GLT8D1: variants seen among roughly 807,000 people sequenced by gnomAD.
GLT8D1 encodes glycosyltransferase 8 domain containing 1.
Under a neutral mutation model 46.2 loss-of-function variants are expected in GLT8D1, and 41 were observed. That is an observed-to-expected ratio of 0.89 (90% CI 0.69 to 1.15). The LOEUF is 1.15. GLT8D1 is among the 50% of genes most tolerant of loss of function. GLT8D1 has a pLI of 0.00. For missense variants in GLT8D1, 408 were observed against 449.3 expected (o/e 0.91, Z 0.83); for synonymous variants, 150 against 154.2 (o/e 0.97, Z 0.20).
At position 52,697,886 on chromosome 3, in the gene GLT8D1, A is replaced by G; in HGVS notation, c.164T>C (p.Leu55Pro). 2 of 1,613,926 alleles carry G rather than the reference A, an allele frequency of 1.2e-6. No individual in the cohort carries two copies. The highest frequency in any genetic ancestry group is 1.7e-6 in the Non-Finnish European group (2 of 1,179,784). The change falls in exon 4 of 10, where the codon CTC becomes CCC. Residue 55 changes from leucine (L) to proline (P), a missense_variant. By Grantham distance (98) the Leu-to-Pro change is moderately conservative (BLOSUM62 -3). Transcript: ENST00000266014. The part of the protein sequence containing the change: ...PQPIDFVPNA[L>P]RHAVDGRQEE... ...TTGTCTCCCATCTACTGCATGTCGG[A>G]GAGCATTTGGGACAAAGTCTATAGG...
In GLT8D1 at chr3:52,705,773, C is replaced by G; in HGVS notation, c.-363G>C. 1 of 1,180,848 alleles carries G rather than the reference C, an allele frequency of 8.5e-7. No homozygotes were observed. Among genetic ancestry groups the G allele is most frequent in the South Asian group, 2.4e-5 (1 of 41,892 alleles). 73.1% of individuals were successfully genotyped at this position (1,180,848 alleles called of 1,614,324 possible). On this transcript the variant is annotated 5_prime_UTR_variant, in exon 1 of 10. Coordinates refer to ENST00000266014, the MANE Select transcript of GLT8D1 (RefSeq NM_018446.4). ...CCCGCAGCGGTAACCGCTAGAGCGT[C>G]GCGCCAAGCAGGCGCCGCGGGGCAG... is the stretch of plus-strand genomic sequence containing the variant.
rs745763847 is a variant in GLT8D1 at position 52,697,890 on chromosome 3, C to G, written c.160G>C (p.Ala54Pro). 1 of 1,613,626 alleles carries G rather than the reference C, an allele frequency of 6.2e-7. No homozygotes were observed. The highest frequency in any genetic ancestry group is 8.5e-7 in the Non-Finnish European group (1 of 1,179,560). ...CTCCCATCTACTGCATGTCGGAGAG[C>G]ATTTGGGACAAAGTCTATAGGTTGA... Reference protein sequence around the residue: ...GPQPIDFVPNALRHAVDGRQE... With the variant: ...GPQPIDFVPNPLRHAVDGRQE... Residue 54 changes from alanine (A) to proline (P), a missense_variant, in exon 4 of 10, where the codon GCT (alanine) becomes CCT (proline). Physicochemically the swap from Ala to Pro is conservative, Grantham distance 27. Coordinates refer to ENST00000266014, the MANE Select transcript of GLT8D1 (RefSeq NM_018446.4).
intron 3 of GLT8D1, among the ~76,000 whole-genome samples, chr3:52,699,358 C>T (rs758860003): frequency 1.3e-5 from 2 of 151,950 alleles, no homozygotes; most frequent in Admixed American, 6.6e-5. Flanking sequence ...GATCTTGGCT[C>T]ACTGCAACCT....
At chr3:52,697,532 C>T (rs2097334991) in intron 4 of GLT8D1, 189 bp downstream of exon 4, 1 of 586,068 alleles carries the variant, frequency 1.7e-6, no homozygotes. Context: ...CTCCTTGTAT[C>T]ACTTCTCCTA....
rs376655141 is a variant in GLT8D1, at chr3:52,700,384, T to C, written c.17-24A>G. 283 of 1,594,682 alleles carry C rather than the reference T, an allele frequency of 1.8e-4. 1 individual carries two copies. The highest frequency in any genetic ancestry group is 2.2e-4 in the Non-Finnish European group (252 of 1,163,108). ...TACTGAAATAGATAGGGAAAACCTA[T>C]GTTATACCTCTTTATCTTTGACCAG... On this transcript the variant is annotated intron_variant, in intron 2 of 9. Coordinates refer to ENST00000266014, the MANE Select transcript of GLT8D1 (RefSeq NM_018446.4).
chr3:52,701,941 A>T (rs2097339740), intron 1 of GLT8D1, among the ~76,000 whole-genome samples: 1 of 152,222 alleles, frequency 6.6e-6, no homozygotes, highest in South Asian at 2.1e-4. Flanking sequence ...ACCCTTTCTT[A>T]CTTCATCTTC....
rs778834885 is a variant in GLT8D1 at position 52,700,450 on chromosome 3, C to T, written c.11G>A (p.Arg4His). 35 of 1,593,050 alleles carry T rather than the reference C, an allele frequency of 2.2e-5. No homozygotes were observed. Among genetic ancestry groups the T allele is most frequent in the Middle Eastern group, 1.7e-4 (1 of 6,034 alleles). MSF[R>H]KVNIIILVLA... ...AACTTGTAGAAAGAGCATACCTTTA[C>T]GGAATGACATCTTTTTCTTCTGTCA... Residue 4 changes from arginine to histidine, a missense_variant, in exon 2 of 10, where the codon CGT (arginine) becomes CAT (histidine). By Grantham distance (29) the Arg-to-His change is conservative (BLOSUM62 0). Transcript: ENST00000266014.
At chr3:52,698,673 C>T (rs1257559353) in intron 3 of GLT8D1, among the ~76,000 whole-genome samples, 1 of 150,330 alleles carries the variant, frequency 6.7e-6, no homozygotes, top group Admixed American at 6.6e-5. Context: ...AATAGGAAAA[C>T]TCCATCTCAA....
At chr3:52,700,159 C>T in intron 3 of GLT8D1, 103 bp downstream of exon 3, 1 of 717,694 alleles carries the variant, frequency 1.4e-6, no homozygotes, top group East Asian at 2.5e-5. Context: ...CCTTAACAAA[C>T]AACTGCTAGT....
At chr3:52,696,113 A>C (rs771996544) in intron 6 of GLT8D1, 73 bp from the exon 7 acceptor site, 2 of 1,166,006 alleles carry the variant, frequency 1.7e-6, no homozygotes, top group Non-Finnish European at 2.6e-6. Flanking sequence ...ACTTCTCCCT[A>C]TGGTGACCTT....
Position 52,695,908 on chromosome 3 carries a change from G to GTGTT in GLT8D1, c.645+16_645+19dup, listed in dbSNP as rs764726100. 8 of 1,329,792 alleles carry GTGTT rather than the reference G, an allele frequency of 6.0e-6. No individual in the cohort carries two copies. Among genetic ancestry groups the GTGTT allele is most frequent in the South Asian group, 5.9e-5 (5 of 85,184 alleles). The allele number at this position is 1,329,792 out of a possible 1,614,324, so 82.4% of individuals were successfully genotyped here. On this transcript the variant is annotated intron_variant, in intron 7 of 9. Transcript: ENST00000266014. Reference sequence around the variant, plus strand: ...ATTAAACAATATTGTAGGAAGAGGGGTGTTTGGTAAGCAATTTACCTGGTT... The same window carrying GTGTT: ...ATTAAACAATATTGTAGGAAGAGGGGTGTTTGTTTGGTAAGCAATTTACCTGGTT...
Position 52,694,644 on chromosome 3 carries a change from CAG to C in GLT8D1, c.*199_*200del. ...TGTAGTAAGAAAACACTTGGTAAGG[CAG>C]ATGGAGACATATTTATAGTCTATAG... On this transcript the variant is annotated 3_prime_UTR_variant, in exon 10 of 10. Transcript: ENST00000266014. The C allele has an allele frequency of 1.6e-6, 1 of 619,330 alleles. No homozygotes were observed. The highest frequency in any genetic ancestry group is 1.9e-5 in the South Asian group (1 of 52,036). 38.4% of individuals were successfully genotyped at this position (619,330 alleles called of 1,614,324 possible).
In GLT8D1 at chr3:52,694,902, G is replaced by A. The variant is rs898854712; in HGVS notation, c.1059C>T (p.Asp353=). 1 of 1,611,588 alleles carries A rather than the reference G, an allele frequency of 6.2e-7. No homozygotes were observed. Among genetic ancestry groups the A allele is most frequent in the Admixed American group, 1.7e-5 (1 of 60,018 alleles). The change falls in exon 10 of 10, where the codon GAC becomes GAT. Residue 353 remains aspartate (D), a synonymous_variant. Coordinates refer to ENST00000266014, the MANE Select transcript of GLT8D1 (RefSeq NM_018446.4). The part of the protein sequence containing the change: ...TDVWEKWYIP[D]PTGKFNLIRR... ...GGATTAGGTTGAATTTGCCTGTTGGGTCTGGAATATACCATTTTTCCCAAA... is the reference window on the plus strand; with the variant it reads ...GGATTAGGTTGAATTTGCCTGTTGGATCTGGAATATACCATTTTTCCCAAA...
rs1393018080 is a variant in GLT8D1 at position 52,697,711 on chromosome 3, CAGAGCTCACCGG to C, written c.327_329+9del. 1 of 1,571,448 alleles carries C rather than the reference CAGAGCTCACCGG, an allele frequency of 6.4e-7. No homozygotes were observed. Among genetic ancestry groups the C allele is most frequent in the Non-Finnish European group, 8.8e-7 (1 of 1,141,170 alleles). On this transcript the variant is annotated splice_donor_variant and splice_donor_5th_base_variant and coding_sequence_variant and intron_variant, in exon 4 of 10. Coordinates refer to ENST00000266014, the MANE Select transcript of GLT8D1 (RefSeq NM_018446.4). LOFTEE classifies it high-confidence loss of function. ...TCCTCTAGAAGCAGAATCACATAAG[CAGAGCTCACCGG>C]AGATGGTCTGCTGTATTGTTGAGAG...
In GLT8D1 at chr3:52,700,579, T is replaced by TA. The variant is rs1379180423; in HGVS notation, c.-36-84dup. ...TGCCCTAACACTTTTTTTTTTTTTT[T>TA]AATTCAGGAAGAAACAAGAGGCATA... On this transcript the variant is annotated intron_variant, in intron 1 of 9. Transcript: ENST00000266014. 2.0e-5 allele frequency: 12 copies of TA among 598,762 alleles called. No homozygotes were observed. In the East Asian group the frequency reaches 2.4e-4, roughly 12 times the overall value. The allele number at this position is 598,762 out of a possible 1,614,324, so 37.1% of individuals were successfully genotyped here.
At chr3:52,702,201 A>AT (rs372328864) in intron 1 of GLT8D1, among the ~76,000 whole-genome samples, 10 of 152,232 alleles carry the variant, frequency 6.6e-5, no homozygotes, top group African/African-American at 2.4e-4. Flanking sequence ...CAGGCACTTA[A>AT]TTTCTCAAGG....
At chr3:52,702,765 A>G (rs945356155) in intron 1 of GLT8D1, among the ~76,000 whole-genome samples, 1 of 151,750 alleles carries the variant, frequency 6.6e-6, no homozygotes, top group Non-Finnish European at 1.5e-5. Context: ...AATTAGGGGG[A>G]AAATACACAT....
Position 52,705,773 on chromosome 3 carries a change from C to T in GLT8D1, c.-363G>A. 8.5e-7 allele frequency: 1 copy of T among 1,180,846 alleles called. No individual in the cohort carries two copies. The highest frequency in any genetic ancestry group is 1.1e-6 in the Non-Finnish European group (1 of 922,490). The allele number at this position is 1,180,846 out of a possible 1,614,324, so 73.1% of individuals were successfully genotyped here. A position where few individuals can be genotyped will look rare whatever the true frequency, so the allele number is the denominator to read the frequency against. ...CCCGCAGCGGTAACCGCTAGAGCGTCGCGCCAAGCAGGCGCCGCGGGGCAG... is the reference window on the plus strand; with the variant it reads ...CCCGCAGCGGTAACCGCTAGAGCGTTGCGCCAAGCAGGCGCCGCGGGGCAG... On this transcript the variant is annotated 5_prime_UTR_variant, in exon 1 of 10. Transcript: ENST00000266014.
chr3:52,699,094 TTATA>T (rs1206890403), intron 3 of GLT8D1, among the ~76,000 whole-genome samples: 1 of 152,108 alleles, frequency 6.6e-6, no homozygotes, highest in East Asian at 1.9e-4. Flanking sequence ...CATGTACAGT[TTATA>T]TATAGTACAA....
Sources: gnomAD v4.1 joint callset for allele counts (sites outside exome capture counted in the v4.1 genomes callset) on GRCh38, gnomAD v4.1.1 for gene constraint, MANE v1.5 for transcripts, NCBI Gene and HGNC (gene_info 2026-07-23, HGNC 2026-07-21) for gene names.